The following NUDCD3 variants were observed in gnomAD, a reference collection of about 807,000 sequenced individuals.
NUDCD3 encodes the protein NudC domain containing 3.
In NUDCD3, 13 loss-of-function variants were observed where a neutral mutation model predicts 39.7. That is an observed-to-expected ratio of 0.33 (90% CI 0.21 to 0.52). The LOEUF (loss-of-function observed/expected upper bound fraction) is 0.52, where lower values mean the gene tolerates loss of function less well. Among genes scored for constraint, NUDCD3 ranks in the 20% least tolerant of loss-of-function variants. NUDCD3 has a pLI of 0.96. For missense variants in NUDCD3, 453 were observed against 458.1 expected (o/e 0.99, Z 0.10); for synonymous variants, 175 against 172.4 (o/e 1.02, Z -0.12).
At chr7:44,422,776 C>T (rs983333042) in intron 3 of NUDCD3, among the ~76,000 whole-genome samples, 18 of 152,164 alleles carry the variant, frequency 1.2e-4, no homozygotes, top group African/African-American at 4.3e-4. Context: ...CTCCTCCCTA[C>T]CTCCCTAACT....
chr7:44,411,284 TTCA>T (rs962629516), intron 3 of NUDCD3, among the ~76,000 whole-genome samples: 7 of 152,122 alleles, frequency 4.6e-5, no homozygotes, highest in African/African-American at 1.7e-4. Flanking sequence ...AAATATTGAC[TTCA>T]TCAAAATTTA....
chr7:44,484,265 G>A (rs1800556294), intron 2 of NUDCD3, among the ~76,000 whole-genome samples: 1 of 152,160 alleles, frequency 6.6e-6, no homozygotes, highest in African/African-American at 2.4e-5. Flanking sequence ...CTGTAAGGAA[G>A]GACTGTATAA....
rs1205877955 is a variant in NUDCD3, at chr7:44,379,237, G to C, written c.*6774C>G. 6.6e-6 allele frequency: 1 copy of C among 151,636 alleles called. No homozygotes were observed. The highest frequency in any genetic ancestry group is 1.9e-4 in the East Asian group (1 of 5,192). The allele number at this position is 151,636 out of a possible 1,614,324, so 9.4% of individuals were successfully genotyped here. ...GGAGGCTGAAGCAGGAGGATCACTT[G>C]AGCCCAGAGGTTTGAGTCCAGTCTG... On this transcript the variant is annotated 3_prime_UTR_variant, in exon 6 of 6. Transcript: ENST00000355451.
chr7:44,451,336 G>A (rs910207959), intron 2 of NUDCD3, among the ~76,000 whole-genome samples: 9 of 152,204 alleles, frequency 5.9e-5, no homozygotes, highest in Non-Finnish European at 1.3e-4. Flanking sequence ...GGAGCACGGG[G>A]AAGGGGAGTC....
intron 2 of NUDCD3, among the ~76,000 whole-genome samples, chr7:44,479,398 T>C (rs1369892882): frequency 2.0e-5 from 3 of 152,138 alleles, no homozygotes; most frequent in African/African-American, 4.8e-5. Flanking sequence ...AAAATGCATA[T>C]ATAGAGGCAG....
chr7:44,407,365 A>G (rs148545205), intron 3 of NUDCD3, among the ~76,000 whole-genome samples: 2,237 of 152,042 alleles, frequency 0.015, 43 homozygotes, highest in Non-Finnish European at 0.023. Context: ...TGACAGTTCG[A>G]GACCAGCCTG....
intron 4 of NUDCD3, among the ~76,000 whole-genome samples, chr7:44,397,003 T>C (rs1798637809): frequency 6.6e-6 from 1 of 152,194 alleles, no homozygotes; most frequent in African/African-American, 2.4e-5. Flanking sequence ...TGTGGAGGTA[T>C]AGTATGCACA....
At chr7:44,442,172 G>T (rs1253355607) in intron 2 of NUDCD3, among the ~76,000 whole-genome samples, 1 of 152,194 alleles carries the variant, frequency 6.6e-6, no homozygotes, top group Non-Finnish European at 1.5e-5. Context: ...TTTTACTGAT[G>T]TAGATTATTA....
At chr7:44,423,822 GC>G (rs1478520104) in intron 3 of NUDCD3, among the ~76,000 whole-genome samples, 3 of 152,150 alleles carry the variant, frequency 2.0e-5, no homozygotes, top group Non-Finnish European at 4.4e-5. Context: ...CCAAAGAACA[GC>G]CCACATAGCC....
At chr7:44,436,242 G>A (rs1363095986) in intron 2 of NUDCD3, among the ~76,000 whole-genome samples, 2 of 152,044 alleles carry the variant, frequency 1.3e-5, no homozygotes, top group Admixed American at 6.6e-5. Flanking sequence ...AAGTATTTAC[G>A]GGTGAAATTA....
At chr7:44,464,278 A>G (rs1017466737) in intron 2 of NUDCD3, among the ~76,000 whole-genome samples, 21 of 152,064 alleles carry the variant, frequency 1.4e-4, no homozygotes, top group African/African-American at 5.1e-4. Flanking sequence ...CTTCCTCCAA[A>G]TAACAGTCCC....
At chr7:44,440,496 G>GAAAAAAAAAAAAAAAAAAAAAAAA (rs72065068) in intron 2 of NUDCD3, among the ~76,000 whole-genome samples, 2 of 48,384 alleles carry the variant, frequency 4.1e-5, no homozygotes, top group Non-Finnish European at 8.1e-5. Flanking sequence ...CAGAAAAATT[G>GAAAAAAAAAAAAAAAAAAAAAAAA]AAAAAAAAAA....
intron 2 of NUDCD3, among the ~76,000 whole-genome samples, chr7:44,437,058 T>TCTTTC (rs1563176818): frequency 6.8e-6 from 1 of 146,964 alleles, no homozygotes; most frequent in Admixed American, 6.7e-5. Context: ...TACCCCTTTT[T>TCTTTC]CTTTTCTTTT....
At chr7:44,481,490 AC>A (rs1202081968) in intron 2 of NUDCD3, 1 of 152,250 alleles carries the variant, frequency 6.6e-6, no homozygotes, top group Non-Finnish European at 1.5e-5. Flanking sequence ...CTTAAAGTCA[AC>A]CAATTATTAA....
intron 3 of NUDCD3, among the ~76,000 whole-genome samples, chr7:44,411,090 C>T (rs912746681): frequency 7.9e-5 from 12 of 152,326 alleles, no homozygotes; most frequent in African/African-American, 7.2e-5. Context: ...TGAGTATTCA[C>T]ATGCAAAAGA....
At chr7:44,459,165 T>A (rs1403110595) in intron 2 of NUDCD3, among the ~76,000 whole-genome samples, 2 of 152,056 alleles carry the variant, frequency 1.3e-5, no homozygotes, top group African/African-American at 4.8e-5. Flanking sequence ...TATTTTTTTA[T>A]ATATATTCTA....
At chr7:44,415,449 T>G (rs1799001901) in intron 3 of NUDCD3, among the ~76,000 whole-genome samples, 1 of 152,240 alleles carries the variant, frequency 6.6e-6, no homozygotes, top group Non-Finnish European at 1.5e-5. Flanking sequence ...ATTAAAAGCT[T>G]CATTTTGAGA....
At position 44,490,446 on chromosome 7, in the gene NUDCD3, C is replaced by T; in HGVS notation, c.155G>A (p.Gly52Asp). The change falls in exon 1 of 6, where the codon GGC becomes GAC. Residue 52 changes from glycine (G) to aspartate (D), a missense_variant. Physicochemically the swap from Gly to Asp is moderately conservative, Grantham distance 94 (BLOSUM62 -1). Transcript: ENST00000355451. Reference protein sequence around the residue: ...RLLRHPSDRMGFPPGAAQALV... With the variant: ...RLLRHPSDRMDFPPGAAQALV... ...GGCCTGCGCGGCCCCGGGCGGGAAG[C>T]CCATGCGGTCCGATGGGTGGCGCAG... is the stretch of plus-strand genomic sequence containing the variant. The T allele has an allele frequency of 6.3e-7, 1 of 1,595,712 alleles. No homozygotes were observed. Among genetic ancestry groups the T allele is most frequent in the Non-Finnish European group, 8.5e-7 (1 of 1,171,766 alleles).
chr7:44,475,193 C>A (rs897408082), intron 2 of NUDCD3, among the ~76,000 whole-genome samples: 1 of 150,880 alleles, frequency 6.6e-6, no homozygotes, highest in Non-Finnish European at 1.5e-5. Flanking sequence ...CTCACTGCAA[C>A]CCCCGCCTCC....
Sources: gnomAD v4.1 joint callset for allele counts (sites outside exome capture counted in the v4.1 genomes callset) on GRCh38, gnomAD v4.1.1 for gene constraint, MANE v1.5 for transcripts, NCBI Gene and HGNC (gene_info 2026-07-23, HGNC 2026-07-21) for gene names.